Variants in PTCH1 observed in about 807,000 individuals in gnomAD.
PTCH1 encodes the protein patched 1.
A neutral mutation model predicts 144.6 loss-of-function variants in PTCH1; 14 were observed. The observed-to-expected ratio is 0.10, with a 90% confidence interval of 0.06 to 0.15. PTCH1 has a LOEUF of 0.15. PTCH1 is among the 10% of genes least tolerant of loss of function. The probability of loss-of-function intolerance (pLI) is 1.00; values close to 1 mark genes in which losing one functional copy is unlikely to be tolerated. For synonymous variants in PTCH1, 833 were observed against 793.6 expected (o/e 1.05, Z -0.83); for missense variants, 1,623 against 1,948.3 (o/e 0.83, Z 3.14).
At chr9:95,507,052 C>T in intron 1 of PTCH1, 1 of 987,544 alleles carries the variant, frequency 1.0e-6, no homozygotes, top group Non-Finnish European at 1.2e-6. Flanking sequence ...TAGGGGCGAG[C>T]GCTCTTTGGA....
intron 16 of PTCH1, among the ~76,000 whole-genome samples, chr9:95,461,332 G>A (rs187780175): frequency 1.3e-4 from 20 of 152,266 alleles, no homozygotes; most frequent in East Asian, 9.7e-4. Flanking sequence ...ATCACAGAGC[G>A]ATCTGTCTAC....
upstream of PTCH1, among the ~76,000 whole-genome samples, chr9:95,512,073 C>CATT (rs1478050911): frequency 6.6e-6 from 1 of 152,294 alleles, no homozygotes; most frequent in African/African-American, 2.4e-5. Flanking sequence ...GCTGTGTGCC[C>CATT]GTAATGGATC....
chr9:95,499,987 C>A (rs1283537484), intron 2 of PTCH1, among the ~76,000 whole-genome samples: 1 of 151,982 alleles, frequency 6.6e-6, no homozygotes, highest in Non-Finnish European at 1.5e-5. Context: ...CCCGAGTGGA[C>A]AGAGCCCAGG....
At chr9:95,498,138 T>A (rs1460651524) in intron 2 of PTCH1, among the ~76,000 whole-genome samples, 1 of 152,216 alleles carries the variant, frequency 6.6e-6, no homozygotes, top group Non-Finnish European at 1.5e-5. Context: ...CTTTTATACA[T>A]GTCTCATTAA....
rs146390067 is a variant in PTCH1, at chr9:95,449,115, T to C, written c.3758A>G (p.Gln1253Arg). ...GTTTTCTGTGGCTTCCACGATCACTTGGTGGGCAGGGCCTCCCGCGCCCTG... is the reference window on the plus strand; with the variant it reads ...GTTTTCTGTGGCTTCCACGATCACTCGGTGGGCAGGGCCTCCCGCGCCCTG... Reference protein sequence around the residue: ...AQQGAGGPAHQVIVEATENPV... With the variant: ...AQQGAGGPAHRVIVEATENPV... The change falls in exon 22 of 24, where the codon CAA (glutamine) becomes CGA (arginine). Residue 1253 changes from glutamine (Q) to arginine (R), a missense_variant. Physicochemically the swap from Gln to Arg is conservative, Grantham distance 43. Coordinates refer to ENST00000331920, the MANE Select transcript of PTCH1 (RefSeq NM_000264.5). This position sits in a 1 kb window ranked among gnomAD's most constrained non-coding sequence, Gnocchi z 5.3. 14 of 1,614,076 alleles carry C rather than the reference T, an allele frequency of 8.7e-6. No homozygotes were observed. Among genetic ancestry groups the C allele is most frequent in the Middle Eastern group, 1.6e-4 (1 of 6,084 alleles).
chr9:95,480,650 C>A, intron 5 of PTCH1, 62 bp from the exon 6 acceptor site: 1 of 1,522,488 alleles, frequency 6.6e-7, no homozygotes, highest in Non-Finnish European at 9.1e-7. Flanking sequence ...CGTAAAGTAA[C>A]ACGGCTGCGC....
At chr9:95,506,689 C>G in intron 1 of PTCH1, 90 bp from the exon 2 acceptor site, 6 of 1,267,548 alleles carry the variant, frequency 4.7e-6, no homozygotes, top group Non-Finnish European at 6.1e-6. Flanking sequence ...CGGTGAGCCC[C>G]CAACAGCCGT....
intron 2 of PTCH1, among the ~76,000 whole-genome samples, chr9:95,487,750 C>T (rs1300705942): frequency 1.3e-5 from 2 of 152,196 alleles, no homozygotes; most frequent in East Asian, 3.8e-4. Context: ...ACTGCCTCCT[C>T]GAACATCAGC....
intron 12 of PTCH1, among the ~76,000 whole-genome samples, chr9:95,470,318 C>T (rs182675059): frequency 9.2e-5 from 14 of 152,286 alleles, no homozygotes; most frequent in African/African-American, 3.1e-4. Context: ...TCACGCGACC[C>T]TGATTTTACA....
chr9:95,469,249 T>C (rs1840339432), intron 13 of PTCH1, 96 bp from the exon 14 acceptor site: 1 of 1,498,744 alleles, frequency 6.7e-7, no homozygotes, highest in Non-Finnish European at 9.2e-7. Flanking sequence ...AATACCCATT[T>C]TACACAGCTC....
intron 19 of PTCH1, among the ~76,000 whole-genome samples, chr9:95,454,058 T>C (rs1444777370): frequency 2.6e-5 from 4 of 152,238 alleles, no homozygotes; most frequent in Non-Finnish European, 2.9e-5. Context: ...CTCACGATTA[T>C]GCAGAGGTGA....
chr9:95,506,680 G>GCTTGCGCGCACCCGCCCGCTTGC, intron 1 of PTCH1, 81 bp from the exon 2 acceptor site: 3 of 1,350,664 alleles, frequency 2.2e-6, no homozygotes, highest in Non-Finnish European at 2.9e-6. Flanking sequence ...GCACCCGCCC[G>GCTTGCGCGCACCCGCCCGCTTGC]GTGAGCCCCC....
intron 10 of PTCH1, 52 bp downstream of exon 10, chr9:95,477,495 G>A: frequency 6.2e-7 from 1 of 1,613,182 alleles, no homozygotes. Context: ...GCCAAGCCTG[G>A]GGGCCGGGTG....
In PTCH1 at chr9:95,449,169, C is replaced by T. The variant is rs2136598986; in HGVS notation, c.3704G>A (p.Ser1235Asn). The T allele has an allele frequency of 6.2e-7, 1 of 1,613,064 alleles. No homozygotes were observed. The highest frequency in any genetic ancestry group is 8.5e-7 in the Non-Finnish European group (1 of 1,179,542). ...GGCCTCGTAGTGCCGAAGCTCCTCG[C>T]TGAGGCCTGACACTGTCGTCTGGGA... ...YSSQTTVSGLSEELRHYEAQQ... is the reference protein window; with the variant it reads ...YSSQTTVSGLNEELRHYEAQQ... The change falls in exon 22 of 24, where the codon AGC becomes AAC. Residue 1235 changes from serine (S) to asparagine (N), a missense_variant. Transcript: ENST00000331920. The surrounding 1 kb of genome is among the most constrained non-coding windows in gnomAD (Gnocchi z 5.3).
Position 95,446,966 on chromosome 9 carries a change from A to C in PTCH1, c.4290T>G (p.Ile1430Met), listed in dbSNP as rs751915096. 2 of 1,614,180 alleles carry C rather than the reference A, an allele frequency of 1.2e-6. No homozygotes were observed. ...CCTCGCATTCCACGTCCTGCAGCTC[A>C]ATGACTTCCACCTTCGAATCCCTCC... ...CERRDSKVEV[I>M]ELQDVECEER... Residue 1430 changes from isoleucine to methionine, a missense_variant, in exon 23 of 24, where the codon ATT becomes ATG. Physicochemically the swap from Ile to Met is conservative, Grantham distance 10. Transcript: ENST00000331920.
At chr9:95,483,694 C>T (rs1841752017) in intron 3 of PTCH1, 1 of 152,250 alleles carries the variant, frequency 6.6e-6, no homozygotes, top group Non-Finnish European at 1.5e-5. Context: ...CCATGTCTAT[C>T]TATACTGATG....
chr9:95,456,639 G>A (rs952023722), intron 18 of PTCH1, among the ~76,000 whole-genome samples: 2 of 152,192 alleles, frequency 1.3e-5, no homozygotes, highest in African/African-American at 4.8e-5. Flanking sequence ...AAAGTAGAGT[G>A]TTCTAATGCA....
Position 95,472,503 on chromosome 9 carries a change from C to T in PTCH1, c.1729-2572G>A, listed in dbSNP as rs115735341. Among the ~76,000 whole-genome samples the T allele has an allele frequency of 4.1e-3, 624 of 152,166 alleles. 1 individual carries two copies. The highest frequency in any genetic ancestry group is 0.014 in the African/African-American group (581 of 41,502). ...ATTTTCCAGATGTCATCCTGGGGGC[C>T]GAATCCTTTTAGCTTTTAAAATCAG... On this transcript the variant is annotated intron_variant, in intron 12 of 23. Transcript: ENST00000331920.
intron 2 of PTCH1, among the ~76,000 whole-genome samples, chr9:95,487,993 A>T (rs948146494): frequency 1.8e-4 from 28 of 152,202 alleles, no homozygotes; most frequent in African/African-American, 6.8e-4. Flanking sequence ...CCGCCTGTTA[A>T]CTATATAATC....
Sources: allele counts gnomAD v4.1 joint callset (sites outside exome capture counted in the v4.1 genomes callset), GRCh38; gene constraint gnomAD v4.1.1; non-coding constraint Gnocchi (gnomAD v3.1); transcripts MANE v1.5; gene names NCBI Gene and HGNC (gene_info 2026-07-23, HGNC 2026-07-21).